Variants in RUNX1T1 observed in about 807,000 individuals in gnomAD.
RUNX1T1 encodes RUNX1 partner transcriptional co-repressor 1, also known as protein CBFA2T1.
In RUNX1T1, 4 loss-of-function variants were observed where a neutral mutation model predicts 62.8. The ratio of observed to expected loss-of-function variants is 0.06; its 90% CI spans 0.03 to 0.15. The LOEUF is 0.15. Among genes scored for constraint, RUNX1T1 ranks in the 10% least tolerant of loss-of-function variants. The probability of loss-of-function intolerance (pLI) is 1.00; values close to 1 mark genes in which losing one functional copy is unlikely to be tolerated. For missense variants in RUNX1T1, 508 were observed against 754.3 expected, an observed-to-expected ratio of 0.67 and a Z score of 3.82; for synonymous variants, 291 against 286.0, an observed-to-expected ratio of 1.02 and a Z score of -0.18.
At chr8:92,059,751 C>T (rs550943679) in intron 1 of RUNX1T1, among the ~76,000 whole-genome samples, 2 of 152,030 alleles carry the variant, frequency 1.3e-5, no homozygotes, top group Non-Finnish European at 2.9e-5. Context: ...AATATGTGGG[C>T]AATTTATGAA....
At chr8:92,075,990 T>C (rs1563909841) in exon 2 of RUNX1T1, 9 of 1,611,594 alleles carry the variant, frequency 5.6e-6, no homozygotes, top group Admixed American at 5.0e-5. Flanking sequence ...AGTTCCCTTT[T>C]TTCCGGCAGT....
chr8:92,033,758 T>A lies in RUNX1T1; in HGVS notation c.8-16395A>T, dbSNP rs986727159. On this transcript the variant is annotated intron_variant, in intron 1 of 10. Coordinates refer to ENST00000396218, the Ensembl canonical transcript of RUNX1T1. ...AGGCTGAAGCGGGCGGATCATGAGG[T>A]TAGGAGTTCAAGACCAGCCTGGCCA... 4.0e-5 allele frequency among the ~76,000 whole-genome samples: 6 copies of A among 151,782 alleles called. No individual in the cohort carries two copies. The East Asian group carries it at 1.2e-3, about 29-fold the overall frequency.
chr8:92,072,810 C>A (rs1833881986), intron 2 of RUNX1T1, among the ~76,000 whole-genome samples: 1 of 152,182 alleles, frequency 6.6e-6, no homozygotes, highest in Non-Finnish European at 1.5e-5. Context: ...CTAAAAGCAG[C>A]AATTTTACTT....
intron 8 of RUNX1T1, among the ~76,000 whole-genome samples, chr8:91,983,086 C>T (rs1319286578): frequency 1.3e-5 from 2 of 150,852 alleles, no homozygotes; most frequent in African/African-American, 4.9e-5. Flanking sequence ...CGCCACCATG[C>T]CTGGCTAATT....
intron 1 of RUNX1T1, among the ~76,000 whole-genome samples, chr8:92,035,097 C>G (rs1204577381): frequency 6.6e-6 from 1 of 151,834 alleles, no homozygotes; most frequent in Non-Finnish European, 1.5e-5. Flanking sequence ...GAGTTCGAGA[C>G]CAGCCTGGCC....
chr8:91,979,446 A>C (rs1486951254), intron 8 of RUNX1T1, among the ~76,000 whole-genome samples: 1 of 152,198 alleles, frequency 6.6e-6, no homozygotes, highest in African/African-American at 2.4e-5. Context: ...AGGAATCATC[A>C]TTCTAAAATG....
intron 10 of RUNX1T1, among the ~76,000 whole-genome samples, chr8:91,969,415 TG>T (rs1280143660): frequency 6.6e-6 from 1 of 152,244 alleles, no homozygotes; most frequent in Non-Finnish European, 1.5e-5. Flanking sequence ...TGACATCAAC[TG>T]TGCCTCACGA....
chr8:92,030,127 C>A (rs1255645699), intron 1 of RUNX1T1, among the ~76,000 whole-genome samples: 1 of 152,102 alleles, frequency 6.6e-6, no homozygotes, highest in Non-Finnish European at 1.5e-5. Context: ...GGGCCTTTCC[C>A]TCTCCCTAGA....
At chr8:91,987,989 G>A (rs185442039) in intron 6 of RUNX1T1, among the ~76,000 whole-genome samples, 163 of 152,072 alleles carry the variant, frequency 1.1e-3, no homozygotes, top group South Asian at 3.5e-3. Context: ...GCTTCCTCTC[G>A]TGGAACTTAT....
intron 10 of RUNX1T1, among the ~76,000 whole-genome samples, chr8:91,964,398 T>C (rs1055677796): frequency 6.6e-6 from 1 of 152,140 alleles, no homozygotes; most frequent in Non-Finnish European, 1.5e-5. Flanking sequence ...ACAAAATCGA[T>C]GTGTAATAAA....
chr8:91,978,028 C>T (rs1206616953), intron 8 of RUNX1T1, among the ~76,000 whole-genome samples: 4 of 152,122 alleles, frequency 2.6e-5, no homozygotes, highest in Non-Finnish European at 5.9e-5. Flanking sequence ...CGTCAGGTCA[C>T]CTGACCTCCC....
chr8:92,013,031 TAATA>T (rs1401393677), intron 3 of RUNX1T1, among the ~76,000 whole-genome samples: 3 of 151,940 alleles, frequency 2.0e-5, no homozygotes, highest in African/African-American at 7.3e-5. Context: ...GAACCACTGT[TAATA>T]AAGAACATGT....
At position 91,999,352 on chromosome 8, in the gene RUNX1T1, A is replaced by T. The variant is rs766640691; in HGVS notation, c.659+5764T>A. ...TGCTATTTGCTGGCCATATAAACTC[A>T]AGAGGCTTAATCCTCTAAGAGCCTC... On this transcript the variant is annotated intron_variant, in intron 5 of 10. Transcript: ENST00000396218. 1.1e-4 allele frequency among the ~76,000 whole-genome samples: 16 copies of T among 152,306 alleles called. No individual in the cohort carries two copies. In the Middle Eastern group the frequency reaches 0.01, roughly 97 times the overall value.
intron 1 of RUNX1T1, chr8:92,095,025 C>A: frequency 1.3e-6 from 2 of 1,535,122 alleles, no homozygotes; most frequent in Non-Finnish European, 1.7e-6. Flanking sequence ...CCGGTATTCT[C>A]ACCTCGGTGA....
At chr8:91,982,917 ACT>A (rs1743710938) in intron 8 of RUNX1T1, among the ~76,000 whole-genome samples, 1 of 115,162 alleles carries the variant, frequency 8.7e-6, no homozygotes, top group African/African-American at 3.3e-5. Context: ...TTAGGAAAAT[ACT>A]TTTTTTTTTT....
chr8:92,070,753 T>G (rs1833548505), intron 2 of RUNX1T1, among the ~76,000 whole-genome samples: 2 of 152,268 alleles, frequency 1.3e-5, no homozygotes, highest in African/African-American at 2.4e-5. Context: ...TACTGCTCTC[T>G]TTACATGCCC....
intron 1 of RUNX1T1, among the ~76,000 whole-genome samples, chr8:92,034,058 C>T (rs934970006): frequency 6.6e-6 from 1 of 151,848 alleles, no homozygotes; most frequent in African/African-American, 2.4e-5. Flanking sequence ...TTCAAGACAA[C>T]CAAAAGGGAA....
At chr8:92,014,099 ATG>A (rs1244367217) in intron 3 of RUNX1T1, among the ~76,000 whole-genome samples, 1 of 152,184 alleles carries the variant, frequency 6.6e-6, no homozygotes, top group Admixed American at 6.6e-5. Context: ...TAAAAGAAGA[ATG>A]TGTTGTTACA....
At chr8:92,095,595 C>T (rs981771420) in intron 1 of RUNX1T1, 4 of 1,378,062 alleles carry the variant, frequency 2.9e-6, no homozygotes, top group East Asian at 2.7e-5. Flanking sequence ...TGAGACGGAG[C>T]GGGAGAGGGA....
Sources: allele counts gnomAD v4.1 joint callset (sites outside exome capture counted in the v4.1 genomes callset), GRCh38; gene constraint gnomAD v4.1.1; transcripts MANE v1.5; gene names NCBI Gene and HGNC (gene_info 2026-07-23, HGNC 2026-07-21).